ST6GALNAC2: variants seen among roughly 807,000 people sequenced by gnomAD.
ST6GALNAC2 encodes the protein alpha-N-acetylgalactosaminide alpha-2,6-sialyltransferase 2.
A neutral mutation model predicts 38.7 loss-of-function variants in ST6GALNAC2; 42 were observed. The ratio of observed to expected loss-of-function variants is 1.09; its 90% CI spans 0.85 to 1.40. ST6GALNAC2 has a LOEUF of 1.40. Among genes scored for constraint, ST6GALNAC2 ranks in the 40% most tolerant of loss-of-function variants. ST6GALNAC2 has a pLI of 0.00. For synonymous variants in ST6GALNAC2, 233 were observed against 209.0 expected, an observed-to-expected ratio of 1.11 and a Z score of -0.99; for missense variants, 506 against 481.7, an observed-to-expected ratio of 1.05 and a Z score of -0.47.
At chr17:76,576,311 A>G (rs1235271892) in intron 2 of ST6GALNAC2, among the ~76,000 whole-genome samples, 1 of 152,230 alleles carries the variant, frequency 6.6e-6, no homozygotes, top group African/African-American at 2.4e-5. Context: ...GATGAGTGAC[A>G]TAACACTGAA....
intron 7 of ST6GALNAC2, chr17:76,567,815 G>A: frequency 2.4e-6 from 1 of 417,750 alleles, no homozygotes. Flanking sequence ...TAACCACACT[G>A]CCAAGGGCAT....
intron 1 of ST6GALNAC2, among the ~76,000 whole-genome samples, chr17:76,581,574 C>A (rs2075475910): frequency 6.6e-6 from 1 of 152,092 alleles, no homozygotes; most frequent in African/African-American, 2.4e-5. Flanking sequence ...GATGGGGAAC[C>A]CCCAAGTTCA....
At position 76,578,988 on chromosome 17, in the gene ST6GALNAC2, C is replaced by T. The variant is rs547461253; in HGVS notation, c.126-172G>A. The T allele has an allele frequency of 1.3e-5, 6 of 457,862 alleles. 1 individual carries two copies. The highest frequency in any genetic ancestry group is 8.8e-5 in the South Asian group (3 of 33,910). The allele number at this position is 457,862 out of a possible 1,614,324, so 28.4% of individuals were successfully genotyped here. A position where few individuals can be genotyped will look rare whatever the true frequency, so the allele number is the denominator to read the frequency against. On this transcript the variant is annotated intron_variant, in intron 1 of 8. Transcript: ENST00000225276. ...TTGCTGGAGTACAGTGGTGCAATCT[C>T]GGCTCACTGCAACCTCTGCCTCCTG...
chr17:76,576,529 TAGGGCAG>T (rs1193966788), intron 2 of ST6GALNAC2, among the ~76,000 whole-genome samples: 1 of 152,086 alleles, frequency 6.6e-6, no homozygotes, highest in Non-Finnish European at 1.5e-5. Context: ...CCAGACTCAC[TAGGGCAG>T]GTGAACCCAT....
intron 8 of ST6GALNAC2, among the ~76,000 whole-genome samples, chr17:76,566,647 G>A (rs1290993357): frequency 1.3e-5 from 2 of 151,738 alleles, no homozygotes; most frequent in African/African-American, 2.4e-5. Context: ...CTTGAGCTTG[G>A]AAGTTTGAGA....
rs957221815 is a variant in ST6GALNAC2 at position 76,573,323 on chromosome 17, A to G, written c.402T>C (p.Ser134=). 8 of 1,581,410 alleles carry G rather than the reference A, an allele frequency of 5.1e-6. No individual in the cohort carries two copies. In the Middle Eastern group the frequency reaches 5.5e-4, roughly 108 times the overall value. The part of the protein sequence containing the change: ...STLSLLNGSE[S]AKLFAPPRDT... The stretch of plus-strand genomic sequence containing the variant: ...CCCTGGGCGGGGCAAACAGCTTGGC[A>G]CTCTCTGAGCCGTTCAGAAGGCTCA... Residue 134 remains serine (S), a synonymous_variant, in exon 4 of 9, where the codon AGT becomes AGC. Coordinates refer to ENST00000225276, the MANE Select transcript of ST6GALNAC2 (RefSeq NM_006456.3). The surrounding 1 kb of genome is among the most constrained non-coding windows in gnomAD (Gnocchi z 5.1).
chr17:76,568,647 G>T (rs2075313875), intron 7 of ST6GALNAC2, 66 bp downstream of exon 7: 1 of 1,519,880 alleles, frequency 6.6e-7, no homozygotes, highest in Non-Finnish European at 9.1e-7. Flanking sequence ...GCGCTGACTG[G>T]ATGTGGGTGG....
Position 76,566,190 on chromosome 17 carries a change from A to T in ST6GALNAC2, c.1039T>A (p.Phe347Ile). Residue 347 changes from phenylalanine (F) to isoleucine (I), a missense_variant, in exon 9 of 9, where the codon TTT becomes ATT. Phe to Ile is a conservative substitution (Grantham distance 21). Transcript: ENST00000225276. ...AGGGACAGATCGTGGTTTGCATAAA[A>T]TATCAATGGCTTCATTTTTCGTTCG... The part of the protein sequence containing the change: ...YFERKMKPLI[F>I]YANHDLSLEA... The T allele has an allele frequency of 6.2e-7, 1 of 1,614,158 alleles. No homozygotes were observed. The highest frequency in any genetic ancestry group is 8.5e-7 in the Non-Finnish European group (1 of 1,180,038).
At position 76,567,453 on chromosome 17, in the gene ST6GALNAC2, C is replaced by T; in HGVS notation, c.957G>A (p.Gln319=). ...MLLTALHTCD[Q]VSAYGFITSN... is the part of the protein sequence containing the mutation. Reference sequence around the variant, plus strand: ...GCTTCTGGAAGAGAAGGCCTCTTACCTGGTCACAGGTATGCAAAGCTGTCA... The same window carrying T: ...GCTTCTGGAAGAGAAGGCCTCTTACTTGGTCACAGGTATGCAAAGCTGTCA... Residue 319 remains glutamine, a splice_region_variant and synonymous_variant, in exon 8 of 9, where the codon CAG becomes CAA. Coordinates refer to ENST00000225276, the MANE Select transcript of ST6GALNAC2 (RefSeq NM_006456.3). 1 of 1,612,150 alleles carries T rather than the reference C, an allele frequency of 6.2e-7. No individual in the cohort carries two copies. The highest frequency in any genetic ancestry group is 8.5e-7 in the Non-Finnish European group (1 of 1,178,380).
intron 6 of ST6GALNAC2, chr17:76,569,810 T>A: frequency 6.5e-6 from 1 of 152,980 alleles, no homozygotes; most frequent in Non-Finnish European, 1.4e-5. Flanking sequence ...CCTTAACCCA[T>A]AAGGACCACC....
intron 1 of ST6GALNAC2, among the ~76,000 whole-genome samples, chr17:76,584,747 G>C (rs2075523512): frequency 6.6e-6 from 1 of 152,218 alleles, no homozygotes; most frequent in Non-Finnish European, 1.5e-5. Context: ...GTGGAGACCA[G>C]ATACTTATTT....
In ST6GALNAC2 at chr17:76,585,724, A is replaced by G; in HGVS notation, c.85T>C (p.Ser29Pro). 6.5e-7 allele frequency: 1 copy of G among 1,539,894 alleles called. No homozygotes were observed. The highest frequency in any genetic ancestry group is 8.7e-7 in the Non-Finnish European group (1 of 1,145,638). ...CSGLLFALYF[S>P]AVQRYPGPAA... The stretch of plus-strand genomic sequence containing the variant: ...GGCCCCGGGTACCGCTGCACCGCCG[A>G]GAAGTACAGGGCAAAGAGGAGCCCC... The change falls in exon 1 of 9, where the codon TCG (serine) becomes CCG (proline). Residue 29 changes from serine to proline, a missense_variant. By Grantham distance (74) the Ser-to-Pro change is moderately conservative. Transcript: ENST00000225276.
At chr17:76,570,333 G>A (rs2075338942) in intron 6 of ST6GALNAC2, 1 of 527,214 alleles carries the variant, frequency 1.9e-6, no homozygotes, top group South Asian at 2.1e-5. Flanking sequence ...TGCCCCCAGA[G>A]GGCTACTGGG....
Position 76,573,161 on chromosome 17 carries a change from C to CCAA in ST6GALNAC2, c.530+33_530+34insTTG. On this transcript the variant is annotated intron_variant, in intron 4 of 8. Coordinates refer to ENST00000225276, the MANE Select transcript of ST6GALNAC2 (RefSeq NM_006456.3). The surrounding 1 kb of genome is among the most constrained non-coding windows in gnomAD (Gnocchi z 5.1). ...CACCCCCACCCTCCAGGCAACTCTCCCTCCCGCCCCTCCCCAGCTCCTACC... is the reference window on the plus strand; with the variant it reads ...CACCCCCACCCTCCAGGCAACTCTCCCAACTCCCGCCCCTCCCCAGCTCCTACC... 5.8e-6 allele frequency: 9 copies of CCAA among 1,551,428 alleles called. No homozygotes were observed. Among genetic ancestry groups the CCAA allele is most frequent in the Non-Finnish European group, 7.9e-6 (9 of 1,137,854 alleles).
intron 2 of ST6GALNAC2, among the ~76,000 whole-genome samples, chr17:76,577,063 C>T (rs1368547080): frequency 1.5e-3 from 174 of 116,516 alleles, no homozygotes; most frequent in Middle Eastern, 0.013. Context: ...TCTTTTTTTT[C>T]TTTTTTTTTT....
rs763902940 is a variant in ST6GALNAC2 at position 76,570,632 on chromosome 17, C to G, written c.706G>C (p.Asp236His). The G allele has an allele frequency of 2.5e-6, 4 of 1,613,194 alleles. No homozygotes were observed. Among genetic ancestry groups the G allele is most frequent in the South Asian group, 1.1e-5 (1 of 90,850 alleles). The change falls in exon 6 of 9, where the codon GAC becomes CAC. Residue 236 changes from aspartate (D) to histidine (H), a missense_variant. Asp to His is a moderately conservative substitution (Grantham distance 81). Transcript: ENST00000225276. ...ATGGCCGATCTCAGCATCACATAGT[C>G]GCGGATGTCTGAGGGGATGAAGATA... is the stretch of plus-strand genomic sequence containing the variant. ...QYIFIPSDIR[D>H]YVMLRSAILG... is the part of the protein sequence containing the mutation.
intron 7 of ST6GALNAC2, chr17:76,567,767 C>T (rs958662446): frequency 1.0e-5 from 5 of 487,384 alleles, no homozygotes; most frequent in Non-Finnish European, 1.9e-5. Flanking sequence ...CAGGTTCCCC[C>T]TTTTGGCAAC....
intron 1 of ST6GALNAC2, among the ~76,000 whole-genome samples, chr17:76,583,866 G>A (rs1352870598): frequency 1.4e-5 from 2 of 146,344 alleles, no homozygotes; most frequent in African/African-American, 5.1e-5. Context: ...GGAGTGCAGT[G>A]GCGCGATCTT....
chr17:76,569,608 T>C (rs1296899293), intron 6 of ST6GALNAC2: 5 of 387,892 alleles, frequency 1.3e-5, no homozygotes, highest in Non-Finnish European at 2.2e-5. Flanking sequence ...GGAGGGAGAC[T>C]GGGTAGGGGA....
Sources: allele counts gnomAD v4.1 joint callset (sites outside exome capture counted in the v4.1 genomes callset), GRCh38; gene constraint gnomAD v4.1.1; non-coding constraint Gnocchi (gnomAD v3.1); transcripts MANE v1.5; gene names NCBI Gene and HGNC (gene_info 2026-07-23, HGNC 2026-07-21).